MAPK10: variants seen among roughly 807,000 people sequenced by gnomAD.
The protein encoded by MAPK10 is mitogen-activated protein kinase 10.
In MAPK10, 25 loss-of-function variants were observed where a neutral mutation model predicts 59.3. The ratio of observed to expected loss-of-function variants is 0.42; its 90% confidence interval spans 0.31 to 0.59. The LOEUF is 0.59. MAPK10 is among the 20% of genes least tolerant of loss of function. The pLI is 0.15. For missense variants in MAPK10, 351 were observed against 568.9 expected (o/e 0.62, Z 3.90); for synonymous variants, 190 against 200.5 (o/e 0.95, Z 0.44).
intron 2 of MAPK10, among the ~76,000 whole-genome samples, chr4:86,245,941 T>G (rs1226275864): frequency 6.6e-6 from 1 of 152,212 alleles, no homozygotes; most frequent in Non-Finnish European, 1.5e-5. Flanking sequence ...TTGGTTTATA[T>G]GGCCATCAGG....
At chr4:86,344,155 G>T (rs903547903) in intron 2 of MAPK10, among the ~76,000 whole-genome samples, 2 of 152,176 alleles carry the variant, frequency 1.3e-5, no homozygotes, top group African/African-American at 4.8e-5. Flanking sequence ...TGAGTTTAGA[G>T]ACAGGGTCTT....
chr4:86,574,658 A>G (rs992796612), intron 1 of MAPK10, among the ~76,000 whole-genome samples: 5 of 152,180 alleles, frequency 3.3e-5, no homozygotes, highest in African/African-American at 1.2e-4. Context: ...AATTTTTTTT[A>G]AAGTCAGACC....
chr4:86,567,369 C>T (rs1013160322), intron 1 of MAPK10, among the ~76,000 whole-genome samples: 1 of 152,030 alleles, frequency 6.6e-6, no homozygotes, highest in Admixed American at 6.5e-5. Flanking sequence ...TACAGGCATG[C>T]ACCACCACGC....
At chr4:86,312,412 T>C (rs969195779) in intron 2 of MAPK10, among the ~76,000 whole-genome samples, 1 of 152,110 alleles carries the variant, frequency 6.6e-6, no homozygotes, top group Non-Finnish European at 1.5e-5. Context: ...TTCCAAGTGC[T>C]CCTTACTCAC....
intron 2 of MAPK10, among the ~76,000 whole-genome samples, chr4:86,250,752 T>C (rs999517084): frequency 6.6e-6 from 1 of 152,140 alleles, no homozygotes; most frequent in Non-Finnish European, 1.5e-5. Flanking sequence ...GGACAATGCT[T>C]CCTTAACAAT....
intron 2 of MAPK10, among the ~76,000 whole-genome samples, chr4:86,259,361 A>T (rs949799509): frequency 6.6e-6 from 1 of 152,094 alleles, no homozygotes; most frequent in Non-Finnish European, 1.5e-5. Flanking sequence ...ACACAAACAC[A>T]AAATATTCAA....
intron 4 of MAPK10, among the ~76,000 whole-genome samples, chr4:86,114,163 T>A (rs2149097733): frequency 6.6e-6 from 1 of 152,336 alleles, no homozygotes; most frequent in South Asian, 2.1e-4. Flanking sequence ...TAGAACATAT[T>A]CCTTTAGCTC....
At chr4:86,353,351 C>A (rs971256577) in intron 2 of MAPK10, among the ~76,000 whole-genome samples, 1 of 152,138 alleles carries the variant, frequency 6.6e-6, no homozygotes, top group African/African-American at 2.4e-5. Context: ...ATCACAGATT[C>A]TCAATAAGAG....
At chr4:86,288,817 A>G (rs1260456041) in intron 2 of MAPK10, among the ~76,000 whole-genome samples, 1 of 152,152 alleles carries the variant, frequency 6.6e-6, no homozygotes, top group Non-Finnish European at 1.5e-5. Context: ...GGGTATGGAA[A>G]TTCAAAAGAG....
At chr4:86,045,775 T>A (rs2042378412) in intron 11 of MAPK10, among the ~76,000 whole-genome samples, 1 of 151,628 alleles carries the variant, frequency 6.6e-6, no homozygotes, top group Non-Finnish European at 1.5e-5. Flanking sequence ...TGCAATTCTC[T>A]CCACCCTCTC....
intron 2 of MAPK10, among the ~76,000 whole-genome samples, chr4:86,262,877 A>G (rs536198317): frequency 6.6e-6 from 1 of 151,978 alleles, no homozygotes; most frequent in African/African-American, 2.4e-5. Context: ...TCTCCAGTCT[A>G]CTCTGTGTCC....
chr4:86,459,265 C>T (rs559302719), intron 1 of MAPK10, among the ~76,000 whole-genome samples: 4 of 152,190 alleles, frequency 2.6e-5, no homozygotes, highest in East Asian at 1.9e-4. Context: ...TAGATGCTGG[C>T]GTGGATGCAG....
intron 4 of MAPK10, among the ~76,000 whole-genome samples, chr4:86,148,119 A>G (rs2065456033): frequency 6.6e-6 from 1 of 152,246 alleles, no homozygotes; most frequent in Non-Finnish European, 1.5e-5. Flanking sequence ...AGCAGCAGAC[A>G]CAGATTTTAA....
At chr4:86,169,722 A>G (rs1033231281) in intron 3 of MAPK10, among the ~76,000 whole-genome samples, 8 of 151,910 alleles carry the variant, frequency 5.3e-5, no homozygotes, top group Non-Finnish European at 1.0e-4. Flanking sequence ...AACACCACAA[A>G]GATACTCCTC....
intron 9 of MAPK10, chr4:86,089,200 G>A: frequency 6.2e-7 from 1 of 1,607,672 alleles, no homozygotes; most frequent in Non-Finnish European, 8.5e-7. Flanking sequence ...CTGCTAAGAA[G>A]GATACGATCA....
chr4:86,437,521 T>C (rs1748911036), intron 1 of MAPK10, among the ~76,000 whole-genome samples: 1 of 152,212 alleles, frequency 6.6e-6, no homozygotes, highest in Admixed American at 6.5e-5. Context: ...TATTTGCTAA[T>C]AACTTAAGAT....
At chr4:86,584,457 G>A (rs1169418889) in intron 1 of MAPK10, among the ~76,000 whole-genome samples, 1 of 152,104 alleles carries the variant, frequency 6.6e-6, no homozygotes, top group African/African-American at 2.4e-5. Flanking sequence ...GGAGTATGGA[G>A]TTCCTACGAG....
At chr4:86,376,649 G>A (rs1739856736) in intron 1 of MAPK10, among the ~76,000 whole-genome samples, 1 of 152,084 alleles carries the variant, frequency 6.6e-6, no homozygotes, top group African/African-American at 2.4e-5. Flanking sequence ...TATTTATTAA[G>A]GACGTATATA....
At chr4:86,537,286 T>G (rs1163452437) in intron 1 of MAPK10, among the ~76,000 whole-genome samples, 5 of 152,212 alleles carry the variant, frequency 3.3e-5, no homozygotes, top group African/African-American at 1.2e-4. Context: ...TTTGTGGTGA[T>G]AGATGGCAAC....
Sources: allele counts gnomAD v4.1 joint callset (sites outside exome capture counted in the v4.1 genomes callset), GRCh38; gene constraint gnomAD v4.1.1; transcripts MANE v1.5; gene names NCBI Gene and HGNC (gene_info 2026-07-23, HGNC 2026-07-21).